The following LCOR variants were observed in gnomAD, a reference collection of about 807,000 sequenced individuals.
LCOR encodes ligand-dependent corepressor.
Under a neutral mutation model 64.4 loss-of-function variants are expected in LCOR, and 14 were observed. The observed-to-expected ratio is 0.22, with a 90% CI of 0.14 to 0.34. LCOR has a LOEUF of 0.34. Ranked by LOEUF, LCOR falls within the 10% of genes least tolerant of loss-of-function variation. LCOR has a pLI of 1.00. For synonymous variants in LCOR, 643 were observed against 642.5 expected (o/e 1.00, Z -0.01); for missense variants, 1,686 against 1,765.3 (o/e 0.96, Z 0.80).
intron 1 of LCOR, chr10:96,833,023 C>T (rs951887755): frequency 1.0e-6 from 1 of 985,588 alleles, no homozygotes; most frequent in Non-Finnish European, 1.2e-6. Flanking sequence ...GTGCGCCTGA[C>T]CGAGCCAAGT....
At chr10:96,859,201 C>G (rs1011124246) in intron 2 of LCOR, among the ~76,000 whole-genome samples, 1 of 151,920 alleles carries the variant, frequency 6.6e-6, no homozygotes, top group African/African-American at 2.4e-5. Flanking sequence ...GTACTTTTGG[C>G]TTTGTTCTTT....
intron 4 of LCOR, among the ~76,000 whole-genome samples, chr10:96,937,306 A>T (rs745755669): frequency 1.3e-5 from 2 of 152,194 alleles, no homozygotes; most frequent in Non-Finnish European, 2.9e-5. Context: ...CAGAGGGAAA[A>T]TGACCCTATT....
intron 7 of LCOR, among the ~76,000 whole-genome samples, chr10:96,972,753 A>G (rs1003777810): frequency 6.6e-6 from 1 of 152,232 alleles, no homozygotes; most frequent in Admixed American, 6.5e-5. Flanking sequence ...GCAGAAAGGT[A>G]GCAAACTATG....
chr10:96,887,865 C>T (rs991885955), intron 2 of LCOR, among the ~76,000 whole-genome samples: 38 of 151,218 alleles, frequency 2.5e-4, no homozygotes, highest in African/African-American at 8.5e-4. Context: ...ATTTTTAGTA[C>T]AGACAGCGTT....
At chr10:96,910,882 A>G (rs899136490) in intron 4 of LCOR, among the ~76,000 whole-genome samples, 18 of 152,318 alleles carry the variant, frequency 1.2e-4, no homozygotes, top group African/African-American at 4.1e-4. Flanking sequence ...GGATAAAGCA[A>G]ATACATTATT....
rs1159093740 is a variant in LCOR, at chr10:96,995,860, A to T, written c.*10726A>T. On this transcript the variant is annotated 3_prime_UTR_variant, in exon 8 of 8. Transcript: ENST00000421806. This position sits in a 1 kb window ranked among gnomAD's most constrained non-coding sequence, Gnocchi z 4.2. The stretch of plus-strand genomic sequence containing the variant: ...GAAGGATGCGGTGTGGAGCCAGAGG[A>T]TGTGTGGGAGGGGTTTCTCTAACAC... 1.3e-5 allele frequency: 2 copies of T among 152,030 alleles called. No homozygotes were observed. Among genetic ancestry groups the T allele is most frequent in the Non-Finnish European group, 2.9e-5 (2 of 67,996 alleles). 9.4% of individuals were successfully genotyped at this position (152,030 alleles called of 1,614,324 possible). A position where few individuals can be genotyped will look rare whatever the true frequency, so the allele number is the denominator to read the frequency against.
chr10:96,958,132 A>T, intron 7 of LCOR: 1 of 1,186,864 alleles, frequency 8.4e-7, no homozygotes, highest in African/African-American at 1.6e-5. Flanking sequence ...TTTTTGCGTA[A>T]TGTTTGGGAT....
chr10:96,845,824 TC>T (rs936996357), intron 2 of LCOR, among the ~76,000 whole-genome samples: 3 of 151,960 alleles, frequency 2.0e-5, no homozygotes, highest in African/African-American at 7.3e-5. Context: ...CATCAAGAAG[TC>T]CATAATCTTT....
At chr10:96,950,633 G>A (rs1013656516) in intron 6 of LCOR, among the ~76,000 whole-genome samples, 2 of 152,006 alleles carry the variant, frequency 1.3e-5, no homozygotes, top group African/African-American at 4.8e-5. Context: ...TGTATTGACA[G>A]CATGCTCTTA....
chr10:96,889,442 G>C (rs1342553171), intron 2 of LCOR, among the ~76,000 whole-genome samples: 1 of 152,158 alleles, frequency 6.6e-6, no homozygotes, highest in Non-Finnish European at 1.5e-5. Context: ...GGTTTCTGCT[G>C]AGGCCTCTCC....
chr10:96,863,377 T>C (rs916486672), intron 2 of LCOR, among the ~76,000 whole-genome samples: 32 of 151,462 alleles, frequency 2.1e-4, no homozygotes, highest in African/African-American at 7.3e-4. Context: ...CTAATTTTTG[T>C]AGTTTTAGTA....
chr10:96,848,376 G>T (rs1189570214), intron 2 of LCOR, among the ~76,000 whole-genome samples: 1 of 151,944 alleles, frequency 6.6e-6, no homozygotes, highest in African/African-American at 2.4e-5. Flanking sequence ...CCGGATGCTG[G>T]GCTGGGCATG....
At chr10:96,956,041 G>T in intron 7 of LCOR, 8 of 1,475,916 alleles carry the variant, frequency 5.4e-6, no homozygotes, top group Non-Finnish European at 7.1e-6. Flanking sequence ...TGCAGATTTT[G>T]CATTGACTTG....
chr10:96,867,897 T>C (rs1032861768), intron 2 of LCOR, among the ~76,000 whole-genome samples: 2 of 152,184 alleles, frequency 1.3e-5, no homozygotes, highest in African/African-American at 4.8e-5. Context: ...TTTTTTTCTT[T>C]TTTTGAGTTG....
chr10:96,983,088 C>T lies in LCOR; in HGVS notation c.2628C>T (p.His876=). 6.2e-7 allele frequency: 1 copy of T among 1,613,576 alleles called. No homozygotes were observed. The highest frequency in any genetic ancestry group is 8.5e-7 in the Non-Finnish European group (1 of 1,179,590). ...TPKGLLPDSF[H]TETLEDTEKP... Reference sequence around the variant, plus strand: ...AGGGCCTTCTACCTGACAGTTTCCACACGGAAACTCTGGAGGACACAGAAA... The same window carrying T: ...AGGGCCTTCTACCTGACAGTTTCCATACGGAAACTCTGGAGGACACAGAAA... Residue 876 remains histidine, a synonymous_variant, in exon 8 of 8, where the codon CAC becomes CAT. Coordinates refer to ENST00000421806, the MANE Select transcript of LCOR (RefSeq NM_001346516.2). This position sits in a 1 kb window ranked among gnomAD's most constrained non-coding sequence, Gnocchi z 4.5.
intron 2 of LCOR, among the ~76,000 whole-genome samples, chr10:96,873,568 ACAC>A (rs1846108736): frequency 1.0e-5 from 1 of 99,360 alleles, no homozygotes; most frequent in Non-Finnish European, 2.0e-5. Context: ...ACACACACAC[ACAC>A]GTGTGTGTGT....
rs1167521878 is a variant in LCOR, at chr10:96,944,234, T to G, written c.-62T>G. ...GCAGAAGAATTCCTCAATGCAGTCT[T>G]TTATAGAAAAGGTTGGTTTCAGTGA... On this transcript the variant is annotated 5_prime_UTR_variant, in exon 5 of 8. Coordinates refer to ENST00000421806, the MANE Select transcript of LCOR (RefSeq NM_001346516.2). The G allele has an allele frequency of 4.1e-6, 4 of 985,610 alleles. No homozygotes were observed. The highest frequency in any genetic ancestry group is 4.8e-6 in the Non-Finnish European group (4 of 829,900). 61.1% of individuals were successfully genotyped at this position (985,610 alleles called of 1,614,324 possible). A position where few individuals can be genotyped will look rare whatever the true frequency, so the allele number is the denominator to read the frequency against.
At chr10:96,859,781 A>G (rs1845858634) in intron 2 of LCOR, among the ~76,000 whole-genome samples, 1 of 152,042 alleles carries the variant, frequency 6.6e-6, no homozygotes, top group African/African-American at 2.4e-5. Flanking sequence ...CTGGTATCAA[A>G]CTCCTGAACT....
intron 2 of LCOR, among the ~76,000 whole-genome samples, chr10:96,869,338 G>C (rs982167590): frequency 2.0e-5 from 3 of 151,882 alleles, no homozygotes; most frequent in Non-Finnish European, 4.4e-5. Context: ...TCAGCCTCCT[G>C]AGTAGCTGGT....
Sources: allele counts gnomAD v4.1 joint callset (sites outside exome capture counted in the v4.1 genomes callset), GRCh38; gene constraint gnomAD v4.1.1; non-coding constraint Gnocchi (gnomAD v3.1); transcripts MANE v1.5; gene names NCBI Gene and HGNC (gene_info 2026-07-23, HGNC 2026-07-21).